The following THSD4 variants were observed in gnomAD, a reference collection of about 807,000 sequenced individuals.
THSD4 encodes thrombospondin type-1 domain-containing protein 4.
Under a neutral mutation model 119.0 loss-of-function variants are expected in THSD4, and 69 were observed. The observed-to-expected ratio is 0.58, with a 90% CI of 0.48 to 0.71. The LOEUF is 0.71. THSD4 is among the 30% of genes least tolerant of loss of function. The pLI, the probability that THSD4 is intolerant of heterozygous loss-of-function variation, is 0.00. For synonymous variants in THSD4, 524 were observed against 540.4 expected, an observed-to-expected ratio of 0.97 and a Z score of 0.42; for missense variants, 1,393 against 1,391.1, an observed-to-expected ratio of 1.00 and a Z score of -0.02.
intron 7 of THSD4, among the ~76,000 whole-genome samples, chr15:71,587,790 AAAAAAAAAAG>A (rs869061869): frequency 1.5e-3 from 170 of 110,038 alleles, no homozygotes; most frequent in Admixed American, 4.1e-3. Context: ...AAAAAATTAA[AAAAAAAAAAG>A]AAAAAAAAAA....
Position 71,486,629 on chromosome 15 carries a change from T to TG in THSD4, c.1152+74806_1152+74807insG, listed in dbSNP as rs2047825806. Among the ~76,000 whole-genome samples the TG allele has an allele frequency of 1.6e-3, 205 of 130,956 alleles. 7 individuals carry two copies. The South Asian group carries it at 0.048, about 31-fold the overall frequency. The allele number at this position is 130,956 out of a possible 152,430, so 85.9% of individuals were successfully genotyped here. A position where few individuals can be genotyped will look rare whatever the true frequency, so the allele number is the denominator to read the frequency against. On this transcript the variant is annotated intron_variant, in intron 7 of 17. Coordinates refer to ENST00000261862, the MANE Select transcript of THSD4 (RefSeq NM_024817.3). ...CTTTTCTGTTTTTTTTTTTTTTTTT[T>TG]TTTTTTTATTTCCCACTCCTCTGTC...
chr15:71,324,863 TTA>T (rs1034775891), intron 6 of THSD4, among the ~76,000 whole-genome samples: 28 of 152,312 alleles, frequency 1.8e-4, no homozygotes, highest in African/African-American at 6.7e-4. Context: ...AGATCTACTT[TTA>T]GTTATTTAAG....
At chr15:71,340,580 G>T (rs2045552944) in intron 6 of THSD4, among the ~76,000 whole-genome samples, 1 of 151,320 alleles carries the variant, frequency 6.6e-6, no homozygotes, top group Admixed American at 6.6e-5. Context: ...GTCCATGTTT[G>T]GGCCTTAATG....
chr15:71,283,776 C>A (rs11853687), intron 6 of THSD4, among the ~76,000 whole-genome samples: 9,610 of 152,190 alleles, frequency 0.063, 427 homozygotes, highest in South Asian at 0.12. Context: ...TTTTAAAATT[C>A]ATATTTCTAC....
intron 1 of THSD4, among the ~76,000 whole-genome samples, chr15:71,126,868 G>T (rs1481353820): frequency 2.0e-5 from 3 of 152,200 alleles, no homozygotes; most frequent in Non-Finnish European, 4.4e-5. Context: ...TATGATTTAT[G>T]AATACAATGT....
chr15:71,287,890 A>C (rs2044738074), intron 6 of THSD4, among the ~76,000 whole-genome samples: 1 of 152,238 alleles, frequency 6.6e-6, no homozygotes, highest in Non-Finnish European at 1.5e-5. Flanking sequence ...CATGTTTAAA[A>C]ATGATTTCTA....
At chr15:71,463,814 A>G (rs2047459502) in intron 7 of THSD4, among the ~76,000 whole-genome samples, 1 of 152,064 alleles carries the variant, frequency 6.6e-6, no homozygotes, top group African/African-American at 2.4e-5. Context: ...GAGTTCATTC[A>G]CCTTCATCTT....
chr15:71,530,288 A>G lies in THSD4; in HGVS notation c.1152+118465A>G, dbSNP rs553488223. 1.5e-4 allele frequency among the ~76,000 whole-genome samples: 23 copies of G among 152,294 alleles called. No individual in the cohort carries two copies. The East Asian group carries it at 4.3e-3, about 28-fold the overall frequency. On this transcript the variant is annotated intron_variant, in intron 7 of 17. Coordinates refer to ENST00000261862, the MANE Select transcript of THSD4 (RefSeq NM_024817.3). The stretch of plus-strand genomic sequence containing the variant: ...CAGTGCCAAGATTGGGGCTGGTTCC[A>G]GCAAGTTGAGGTTAGCAGCAGTCAG...
intron 7 of THSD4, among the ~76,000 whole-genome samples, chr15:71,432,462 A>G (rs1288587896): frequency 1.3e-5 from 2 of 152,092 alleles, no homozygotes; most frequent in Non-Finnish European, 2.9e-5. Flanking sequence ...AGTTTTCCAA[A>G]TAATCAAAAG....
At position 71,459,384 on chromosome 15, in the gene THSD4, C is replaced by CTCTG. The variant is rs1555416119; in HGVS notation, c.1152+47564_1152+47565insGTCT. 7.9e-4 allele frequency among the ~76,000 whole-genome samples: 106 copies of CTCTG among 133,554 alleles called. 1 individual carries two copies. The South Asian group carries it at 0.019, about 24-fold the overall frequency. 87.6% of individuals were successfully genotyped at this position (133,554 alleles called of 152,430 possible). ...TCTCTGTCTCTCTGTCTCTCTGTCTCTCTCTCTCTCTCTCTCTCTCTGTCT... is the reference window on the plus strand; with the variant it reads ...TCTCTGTCTCTCTGTCTCTCTGTCTCTCTGTCTCTCTCTCTCTCTCTCTCTGTCT... On this transcript the variant is annotated intron_variant, in intron 7 of 17. Transcript: ENST00000261862.
intron 7 of THSD4, among the ~76,000 whole-genome samples, chr15:71,421,594 C>A (rs971749417): frequency 6.6e-6 from 1 of 152,106 alleles, no homozygotes; most frequent in African/African-American, 2.4e-5. Context: ...CTTTTAGGAG[C>A]CTTTCTTTTG....
At chr15:71,720,678 ACCCATTTGGGTTCATG>A (rs1007107685) in intron 8 of THSD4, among the ~76,000 whole-genome samples, 2 of 152,132 alleles carry the variant, frequency 1.3e-5, no homozygotes, top group African/African-American at 4.8e-5. Flanking sequence ...ACATTCTGAG[ACCCATTTGGGTTCATG>A]CCCATGTGTG....
chr15:71,172,698 T>TATATATATATATATGTGAC (rs2043386504), intron 3 of THSD4, among the ~76,000 whole-genome samples: 1 of 96,382 alleles, frequency 1.0e-5, no homozygotes, highest in African/African-American at 5.4e-5. Context: ...TATATATATA[T>TATATATATATATATGTGAC]ATATATATAT....
intron 7 of THSD4, among the ~76,000 whole-genome samples, chr15:71,635,069 C>T (rs2050713688): frequency 6.6e-6 from 1 of 152,174 alleles, no homozygotes; most frequent in Non-Finnish European, 1.5e-5. Context: ...CTATTTAAAG[C>T]CTCTTCTCAG....
rs141325574 is a variant in THSD4 at position 71,686,576 on chromosome 15, C to T, written c.1357+25842C>T. On this transcript the variant is annotated intron_variant, in intron 8 of 17. Coordinates refer to ENST00000261862, the MANE Select transcript of THSD4 (RefSeq NM_024817.3). ...TGGGATAGTGAGAGTAATGACATGA[C>T]GTTTCACCCACAAACACCATATTGC... Among the ~76,000 whole-genome samples, 554 of 152,226 alleles carry T rather than the reference C, an allele frequency of 3.6e-3. 10 individuals carry two copies. The highest frequency in any genetic ancestry group is 0.032 in the Admixed American group (490 of 15,292).
chr15:71,165,560 G>A (rs1442788), intron 3 of THSD4: 349,464 of 650,714 alleles, frequency 0.54, 97,621 homozygotes, highest in Middle Eastern at 0.63. Context: ...CATAGCAAGA[G>A]CCTTTTTCCT....
At chr15:71,158,148 CTTT>C (rs1193131967) in intron 3 of THSD4, among the ~76,000 whole-genome samples, 2 of 85,004 alleles carry the variant, frequency 2.4e-5, no homozygotes, top group Non-Finnish European at 4.4e-5. Flanking sequence ...CAACACTTAT[CTTT>C]TTTTTTTTTT....
intron 8 of THSD4, among the ~76,000 whole-genome samples, chr15:71,682,481 G>A (rs367596363): frequency 2.0e-5 from 3 of 151,610 alleles, no homozygotes; most frequent in South Asian, 2.1e-4. Flanking sequence ...AACCACTACC[G>A]TGATTGTTCA....
At chr15:71,264,532 A>T (rs758619697) in intron 6 of THSD4, among the ~76,000 whole-genome samples, 17 of 152,212 alleles carry the variant, frequency 1.1e-4, no homozygotes, top group Non-Finnish European at 1.5e-4. Context: ...GTATATGTTG[A>T]GTCTGAATGA....
Sources: gnomAD v4.1 joint callset for allele counts (sites outside exome capture counted in the v4.1 genomes callset) on GRCh38, gnomAD v4.1.1 for gene constraint, MANE v1.5 for transcripts, NCBI Gene and HGNC (gene_info 2026-07-23, HGNC 2026-07-21) for gene names.